The following SHROOM2 variants were observed in gnomAD, a reference collection of about 807,000 sequenced individuals.
The protein encoded by SHROOM2 is shroom family member 2, also known as protein Shroom2.
SHROOM2 carries 33 observed loss-of-function variants against 75.9 expected under a neutral mutation model. That is an observed-to-expected ratio of 0.43 (90% CI 0.33 to 0.58). The LOEUF (loss-of-function observed/expected upper bound fraction) is 0.58, where lower values mean the gene tolerates loss of function less well. Ranked by LOEUF, SHROOM2 falls within the 20% of genes least tolerant of loss-of-function variation. The probability of loss-of-function intolerance (pLI) is 0.04; values close to 1 mark genes in which losing one functional copy is unlikely to be tolerated. For synonymous variants in SHROOM2, 655 were observed against 663.6 expected, an observed-to-expected ratio of 0.99 and a Z score of 0.20; for missense variants, 1,434 against 1,461.2, an observed-to-expected ratio of 0.98 and a Z score of 0.30.
intron 1 of SHROOM2, among the ~76,000 whole-genome samples, chrX:9,854,655 T>C (rs1016065813): frequency 4.5e-5 from 5 of 111,853 alleles, no homozygotes; most frequent in African/African-American, 1.6e-4. Flanking sequence ...AAGAAATAAT[T>C]GCCTGACCTC....
At chrX:9,899,783 T>G (rs1253931569) in intron 5 of SHROOM2, among the ~76,000 whole-genome samples, 3 of 112,451 alleles carry the variant, frequency 2.7e-5, no homozygotes, top group South Asian at 3.6e-4. Context: ...TGACTGTGGA[T>G]TCCAAGTAGG....
chrX:9,903,057 A>C (rs2084373139), intron 5 of SHROOM2, among the ~76,000 whole-genome samples: 1 of 112,535 alleles, frequency 8.9e-6, no homozygotes, highest in South Asian at 3.6e-4. Flanking sequence ...AACAAGCTAA[A>C]TGAACCTGAG....
At chrX:9,830,091 A>G (rs918486299) in intron 1 of SHROOM2, among the ~76,000 whole-genome samples, 1 of 111,751 alleles carries the variant, frequency 8.9e-6, no homozygotes, top group Non-Finnish European at 1.9e-5. Context: ...TCTGCAGTCC[A>G]GGAAGAGACC....
chrX:9,791,636 T>C (rs1372487816), intron 1 of SHROOM2, among the ~76,000 whole-genome samples: 1 of 111,944 alleles, frequency 8.9e-6, no homozygotes, highest in East Asian at 2.8e-4. Context: ...CCGAAAACTT[T>C]AACCCACATG....
chrX:9,830,663 G>A (rs1385176011), intron 1 of SHROOM2, among the ~76,000 whole-genome samples: 3 of 84,850 alleles, frequency 3.5e-5, no homozygotes, highest in Admixed American at 1.7e-4. Flanking sequence ...GTGCAATGGC[G>A]CGATCTTGGC....
At chrX:9,919,261 A>G (rs1192804972) in intron 5 of SHROOM2, among the ~76,000 whole-genome samples, 1 of 107,497 alleles carries the variant, frequency 9.3e-6, no homozygotes, top group African/African-American at 3.4e-5. Flanking sequence ...GTACTGTGCA[A>G]GTTCAGAGAA....
At chrX:9,816,520 T>C (rs1007307143) in intron 1 of SHROOM2, among the ~76,000 whole-genome samples, 3 of 112,104 alleles carry the variant, frequency 2.7e-5, no homozygotes, top group African/African-American at 9.7e-5. Flanking sequence ...AAGACATGCC[T>C]GGTCACCGGC....
At chrX:9,850,972 C>T (rs1377636144) in intron 1 of SHROOM2, among the ~76,000 whole-genome samples, 4 of 111,725 alleles carry the variant, frequency 3.6e-5, no homozygotes, top group East Asian at 2.8e-4. Flanking sequence ...GGTAGACCAG[C>T]GTGGCCTTAT....
chrX:9,796,157 G>C (rs1413535220), intron 1 of SHROOM2, among the ~76,000 whole-genome samples: 16 of 111,574 alleles, frequency 1.4e-4, no homozygotes, highest in Admixed American at 1.1e-3. Context: ...ACTCAATCCT[G>C]ATTCATTAAG....
chrX:9,895,962 A>G lies in SHROOM2; in HGVS notation c.2054A>G (p.Lys685Arg). ...GCTGGCACCTATAAAGACCACCTGA[A>G]AGAGGCCCAAGCCCGGGTCCTGAGG... ...PLAGTYKDHL[K>R]EAQARVLRAT... The change falls in exon 4 of 10, where the codon AAA (lysine) becomes AGA (arginine). Residue 685 changes from lysine (K) to arginine (R), a missense_variant. Lys to Arg is a conservative substitution (Grantham distance 26). This residue lies in a region of SHROOM2 where 1,340 missense variants were observed against 1,338.3 expected (regional missense o/e 1.00). Transcript: ENST00000380913. 8.3e-7 allele frequency: 1 copy of G among 1,198,041 alleles called. No individual in the cohort carries two copies. Among genetic ancestry groups the G allele is most frequent in the Non-Finnish European group, 1.1e-6 (1 of 888,865 alleles).
chrX:9,881,345 A>C (rs904300063), intron 2 of SHROOM2, among the ~76,000 whole-genome samples: 2 of 111,828 alleles, frequency 1.8e-5, no homozygotes, highest in Non-Finnish European at 3.8e-5. Flanking sequence ...TGATTTGCCA[A>C]CTATGACATG....
intron 5 of SHROOM2, among the ~76,000 whole-genome samples, chrX:9,931,093 G>C (rs1038757567): frequency 9.0e-6 from 1 of 111,526 alleles, no homozygotes; most frequent in East Asian, 2.8e-4. Context: ...GTTAGTGTCT[G>C]TCTGATGCAC....
At chrX:9,813,916 G>A (rs1485154482) in intron 1 of SHROOM2, among the ~76,000 whole-genome samples, 1 of 111,792 alleles carries the variant, frequency 8.9e-6, no homozygotes, top group East Asian at 2.8e-4. Context: ...TGCCACCTCG[G>A]GATCCAATTA....
chrX:9,901,154 G>T (rs998028555), intron 5 of SHROOM2, among the ~76,000 whole-genome samples: 1 of 110,887 alleles, frequency 9.0e-6, no homozygotes, highest in Non-Finnish European at 1.9e-5. Context: ...TCACAAGGTC[G>T]TCCCTCTGCG....
intron 2 of SHROOM2, among the ~76,000 whole-genome samples, chrX:9,886,195 C>A (rs772859060): frequency 8.9e-6 from 1 of 112,434 alleles, no homozygotes; most frequent in East Asian, 2.8e-4. Flanking sequence ...CAGGCAGGTT[C>A]CCTGCCTGCC....
At chrX:9,874,306 A>G (rs2084186675) in intron 2 of SHROOM2, among the ~76,000 whole-genome samples, 1 of 111,859 alleles carries the variant, frequency 8.9e-6, no homozygotes, top group Non-Finnish European at 1.9e-5. Flanking sequence ...GGATGGTTTT[A>G]AGAGGTTAGA....
chrX:9,929,005 CAT>C (rs1461602516), intron 5 of SHROOM2, among the ~76,000 whole-genome samples: 2 of 112,811 alleles, frequency 1.8e-5, no homozygotes, highest in African/African-American at 6.4e-5. Flanking sequence ...GATCTGTACA[CAT>C]ACACACCAGA....
chrX:9,809,302 G>C (rs1056860631), intron 1 of SHROOM2, among the ~76,000 whole-genome samples: 1 of 111,219 alleles, frequency 9.0e-6, no homozygotes, highest in Non-Finnish European at 1.9e-5. Flanking sequence ...AAAGATGTAG[G>C]CTAGACCAGT....
At chrX:9,906,017 G>A (rs1242232948) in intron 5 of SHROOM2, among the ~76,000 whole-genome samples, 1 of 111,933 alleles carries the variant, frequency 8.9e-6, no homozygotes, top group Non-Finnish European at 1.9e-5. Flanking sequence ...GAGCATCATG[G>A]TTTATGCTCA....
Sources: gnomAD v4.1 joint callset for allele counts (sites outside exome capture counted in the v4.1 genomes callset) on GRCh38, gnomAD v4.1.1 for gene constraint, gnomAD v4.1.1 regional missense constraint, MANE v1.5 for transcripts, NCBI Gene and HGNC (gene_info 2026-07-23, HGNC 2026-07-21) for gene names.